Variants in LIN9 observed in about 807,000 individuals in gnomAD.
LIN9 encodes lin-9 DREAM MuvB core complex component.
Under a neutral mutation model 78.0 loss-of-function variants are expected in LIN9, and 18 were observed. The ratio of observed to expected loss-of-function variants is 0.23; its 90% CI spans 0.16 to 0.34. LIN9 has a LOEUF of 0.34. Ranked by LOEUF, LIN9 falls within the 10% of genes least tolerant of loss-of-function variation. The pLI is 1.00. For missense variants in LIN9, 451 were observed against 644.1 expected (o/e 0.70, Z 3.25); for synonymous variants, 192 against 215.2 (o/e 0.89, Z 0.94).
intron 11 of LIN9, among the ~76,000 whole-genome samples, chr1:226,244,375 T>A (rs1219973837): frequency 1.3e-5 from 2 of 152,036 alleles, no homozygotes. Flanking sequence ...GACGTTGCAG[T>A]GAGCCGAGAT....
intron 4 of LIN9, among the ~76,000 whole-genome samples, chr1:226,292,756 A>G (rs1257706352): frequency 6.6e-6 from 1 of 152,198 alleles, no homozygotes; most frequent in Non-Finnish European, 1.5e-5. Context: ...TAAATGCTTT[A>G]AATATATGAT....
chr1:226,290,582 C>T (rs1285673079), intron 4 of LIN9, among the ~76,000 whole-genome samples: 1 of 151,812 alleles, frequency 6.6e-6, no homozygotes, highest in Non-Finnish European at 1.5e-5. Context: ...CCTCGTGATC[C>T]GCCCACCTCG....
At chr1:226,301,283 AG>A in intron 1 of LIN9, 78 bp from the exon 2 acceptor site, 1 of 1,053,222 alleles carries the variant, frequency 9.5e-7, no homozygotes, top group Admixed American at 2.0e-5. Flanking sequence ...TGGGGGTAAA[AG>A]TGATCCATTT....
chr1:226,277,634 G>A, intron 7 of LIN9, 141 bp downstream of exon 7: 2 of 727,558 alleles, frequency 2.7e-6, no homozygotes, highest in South Asian at 1.9e-5. Flanking sequence ...GAGGGATAGG[G>A]ATAGGGTGAG....
rs559460640 is a variant in LIN9, at chr1:226,260,628, G to GTTTTTTTTTTTTTTTTTT, written c.1038+4887_1038+4904dup. On this transcript the variant is annotated intron_variant, in intron 10 of 14. Transcript: ENST00000681046. ...AGAATTTAAGATCACGGCCAAATGAGTTTTTTTTTTTTTTTTTTTTTTTTT... is the reference window on the plus strand; with the variant it reads ...AGAATTTAAGATCACGGCCAAATGAGTTTTTTTTTTTTTTTTTTTTTTTTTTTTTTTTTTTTTTTTTTT... 4.1e-5 allele frequency among the ~76,000 whole-genome samples: 3 copies of GTTTTTTTTTTTTTTTTTT among 73,436 alleles called. 1 individual carries two copies. The highest frequency in any genetic ancestry group is 1.5e-4 in the African/African-American group (3 of 19,836). 48.2% of individuals were successfully genotyped at this position (73,436 alleles called of 152,430 possible).
intron 7 of LIN9, among the ~76,000 whole-genome samples, chr1:226,274,560 C>T (rs919594810): frequency 3.9e-5 from 6 of 151,956 alleles, no homozygotes; most frequent in African/African-American, 7.3e-5. Flanking sequence ...TTATGTGCAT[C>T]GGCACATAAA....
intron 4 of LIN9, among the ~76,000 whole-genome samples, chr1:226,289,638 A>C (rs1193721746): frequency 1.3e-5 from 2 of 152,110 alleles, no homozygotes; most frequent in Non-Finnish European, 2.9e-5. Flanking sequence ...CTAGGATTAC[A>C]GGTATGAGCT....
In LIN9 at chr1:226,297,718, C is replaced by A; in HGVS notation, c.159+1G>T. On this transcript the variant is annotated splice_donor_variant, in intron 3 of 14. Coordinates refer to ENST00000681046, the MANE Select transcript of LIN9 (RefSeq NM_001366245.2). LOFTEE classifies it high-confidence loss of function. Reference sequence around the variant, plus strand: ...AAATGTAAGAAAAACTCACTCCTTACCATTTCCACAGCAGAGCTTGTATTC... The same window carrying A: ...AAATGTAAGAAAAACTCACTCCTTAACATTTCCACAGCAGAGCTTGTATTC... The A allele has an allele frequency of 6.4e-7, 1 of 1,562,666 alleles. No homozygotes were observed. The highest frequency in any genetic ancestry group is 8.7e-7 in the Non-Finnish European group (1 of 1,155,838).
intron 1 of LIN9, among the ~76,000 whole-genome samples, chr1:226,305,082 A>C (rs1249013132): frequency 6.6e-6 from 1 of 151,954 alleles, no homozygotes; most frequent in Non-Finnish European, 1.5e-5. Context: ...AGGCAGGAGA[A>C]TTGCTTGAAC....
At chr1:226,274,723 C>T (rs1403684441) in intron 7 of LIN9, among the ~76,000 whole-genome samples, 1 of 150,930 alleles carries the variant, frequency 6.6e-6, no homozygotes, top group Non-Finnish European at 1.5e-5. Context: ...TGATAACATT[C>T]TCAAGTTCAC....
chr1:226,261,942 G>GA (rs1659615605), intron 10 of LIN9, among the ~76,000 whole-genome samples: 1 of 152,204 alleles, frequency 6.6e-6, no homozygotes, highest in South Asian at 2.1e-4. Flanking sequence ...CAATGGAACA[G>GA]AATAGAGAGC....
chr1:226,250,101 T>C (rs928452838), intron 11 of LIN9, among the ~76,000 whole-genome samples: 1 of 144,718 alleles, frequency 6.9e-6, no homozygotes, highest in Non-Finnish European at 1.5e-5. Flanking sequence ...ACCCGGGAGG[T>C]GGAGGTTGCA....
intron 11 of LIN9, among the ~76,000 whole-genome samples, chr1:226,245,436 C>G (rs1436156383): frequency 6.6e-5 from 10 of 151,614 alleles, no homozygotes; most frequent in African/African-American, 9.7e-5. Context: ...TTTCCCCCCC[C>G]CCAAGAAACA....
intron 14 of LIN9, 21 bp downstream of exon 14, chr1:226,233,075 A>C: frequency 5.9e-6 from 8 of 1,361,860 alleles, no homozygotes; most frequent in African/African-American, 1.5e-5. Flanking sequence ...TAAAATGATT[A>C]GAGTATACCT....
Position 226,250,934 on chromosome 1 carries a change from G to A in LIN9, c.1039-15C>T, listed in dbSNP as rs1350718871. 3 of 1,317,584 alleles carry A rather than the reference G, an allele frequency of 2.3e-6. No homozygotes were observed. In the East Asian group the frequency reaches 6.9e-5, roughly 30 times the overall value. 81.6% of individuals were successfully genotyped at this position (1,317,584 alleles called of 1,614,324 possible). A position where few individuals can be genotyped will look rare whatever the true frequency, so the allele number is the denominator to read the frequency against. On this transcript the variant is annotated splice_polypyrimidine_tract_variant and intron_variant, in intron 10 of 14. Coordinates refer to ENST00000681046, the MANE Select transcript of LIN9 (RefSeq NM_001366245.2). ...GATAATCTGGTCTACAGACAAAGAAGAAATATTTTAGAATAAACAGAGGCA... is the reference window on the plus strand; with the variant it reads ...GATAATCTGGTCTACAGACAAAGAAAAAATATTTTAGAATAAACAGAGGCA...
chr1:226,294,573 A>C (rs1487257651), intron 4 of LIN9, among the ~76,000 whole-genome samples: 1 of 151,450 alleles, frequency 6.6e-6, no homozygotes, highest in Admixed American at 6.6e-5. Flanking sequence ...CTCTGTCTCA[A>C]AAAAAAAAAA....
chr1:226,289,833 C>T (rs1006930211), intron 4 of LIN9, among the ~76,000 whole-genome samples: 1 of 6,402 alleles, frequency 1.6e-4, no homozygotes, highest in Non-Finnish European at 3.3e-4. Flanking sequence ...AAGTAGTCCT[C>T]CGGGGGGGGG....
intron 4 of LIN9, 67 bp downstream of exon 4, chr1:226,295,775 A>G (rs563344783): frequency 1.0e-4 from 94 of 928,888 alleles, no homozygotes; most frequent in Non-Finnish European, 1.5e-4. Flanking sequence ...ACAGAAATAT[A>G]AACTTTATTA....
At position 226,265,062 on chromosome 1, in the gene LIN9, G is replaced by T. The variant is rs1659826753; in HGVS notation, c.1038+471C>A. On this transcript the variant is annotated intron_variant, in intron 10 of 14. Coordinates refer to ENST00000681046, the MANE Select transcript of LIN9 (RefSeq NM_001366245.2). The surrounding 1 kb of genome is among the most constrained non-coding windows in gnomAD (Gnocchi z 4.1). ...TACTTCTACACTTAGTTCAGTTTAG[G>T]CTTAGATTTCTTAGTGTCTAATCAC... 6.6e-6 allele frequency among the ~76,000 whole-genome samples: 1 copy of T among 152,114 alleles called. No homozygotes were observed. The highest frequency in any genetic ancestry group is 1.5e-5 in the Non-Finnish European group (1 of 68,006).
Sources: allele counts gnomAD v4.1 joint callset (sites outside exome capture counted in the v4.1 genomes callset), GRCh38; gene constraint gnomAD v4.1.1; non-coding constraint Gnocchi (gnomAD v3.1); transcripts MANE v1.5; gene names NCBI Gene and HGNC (gene_info 2026-07-23, HGNC 2026-07-21).